The following ZC3H12B variants were observed in gnomAD, a reference collection of about 807,000 sequenced individuals.
The protein encoded by ZC3H12B is probable ribonuclease ZC3H12B.
A neutral mutation model predicts 43.9 loss-of-function variants in ZC3H12B; 7 were observed. The ratio of observed to expected loss-of-function variants is 0.16; its 90% CI spans 0.09 to 0.30. ZC3H12B has a LOEUF of 0.30. Among genes scored for constraint, ZC3H12B ranks in the 10% least tolerant of loss-of-function variants. ZC3H12B has a pLI of 1.00. For synonymous variants in ZC3H12B, 222 were observed against 241.7 expected (o/e 0.92, Z 0.76); for missense variants, 475 against 670.2 (o/e 0.71, Z 3.22).
the ZC3H12B span, among the ~76,000 whole-genome samples, chrX:65,099,135 G>T: frequency 1.8e-5 from 2 of 111,885 alleles, no homozygotes; most frequent in African/African-American, 3.3e-5. Context: ...GTGAGGCAAA[G>T]CGACTGTGGC....
chrX:65,433,573 C>T (rs755729969), intron 3 of ZC3H12B, among the ~76,000 whole-genome samples: 16 of 111,466 alleles, frequency 1.4e-4, no homozygotes, highest in Non-Finnish European at 2.8e-4. Context: ...AGCTAAAACT[C>T]GATTGATTTC....
intron 2 of ZC3H12B, among the ~76,000 whole-genome samples, chrX:65,395,835 T>C (rs1321965873): frequency 8.9e-6 from 1 of 112,073 alleles, no homozygotes; most frequent in Non-Finnish European, 1.9e-5. Flanking sequence ...TTTTGGTTGG[T>C]AGGCTGTTAA....
the ZC3H12B span, among the ~76,000 whole-genome samples, chrX:65,212,287 A>ATT: frequency 2.0e-5 from 1 of 49,868 alleles, no homozygotes; most frequent in Non-Finnish European, 3.3e-5. Context: ...ATATAATTAT[A>ATT]ATATATTATA....
the ZC3H12B span, among the ~76,000 whole-genome samples, chrX:65,162,420 TG>T: frequency 8.9e-6 from 1 of 112,127 alleles, no homozygotes; most frequent in African/African-American, 3.2e-5. Context: ...GACGTAGATT[TG>T]GTCTTTTCAC....
At chrX:65,109,287 A>G in the ZC3H12B span, among the ~76,000 whole-genome samples, 1 of 111,552 alleles carries the variant, frequency 9.0e-6, no homozygotes, top group Non-Finnish European at 1.9e-5. Flanking sequence ...TTCCATTACA[A>G]TTCATGTTAG....
the ZC3H12B span, among the ~76,000 whole-genome samples, chrX:65,122,361 G>T: frequency 9.0e-6 from 1 of 111,120 alleles, no homozygotes; most frequent in East Asian, 2.8e-4. Flanking sequence ...CACCAGGCCT[G>T]CCCTGAAAGA....
chrX:65,045,342 G>A, the ZC3H12B span, among the ~76,000 whole-genome samples: 4 of 111,862 alleles, frequency 3.6e-5, no homozygotes, highest in East Asian at 2.8e-4. Context: ...AATTAGAGTC[G>A]GTCCTATCAA....
chrX:65,122,718 A>T, the ZC3H12B span, among the ~76,000 whole-genome samples: 2 of 111,445 alleles, frequency 1.8e-5, no homozygotes, highest in African/African-American at 3.3e-5. Flanking sequence ...CAACAAAAAA[A>T]GGCAGGGGTT....
chrX:65,200,159 A>T, the ZC3H12B span, among the ~76,000 whole-genome samples: 1 of 111,018 alleles, frequency 9.0e-6, no homozygotes, highest in Non-Finnish European at 1.9e-5. Context: ...CTGGTGTGAG[A>T]TGGTATCTCA....
the ZC3H12B span, among the ~76,000 whole-genome samples, chrX:65,325,686 A>C: frequency 0.016 from 1,830 of 111,586 alleles, 36 homozygotes; most frequent in African/African-American, 0.057. Context: ...AAAGTGATCT[A>C]CAAATTCAGC....
the ZC3H12B span, chrX:65,187,144 T>G: frequency 8.9e-6 from 1 of 112,286 alleles, no homozygotes; most frequent in Non-Finnish European, 1.9e-5. Flanking sequence ...CCTATCTTTC[T>G]TAGCTTTCCT....
At chrX:65,440,678 G>A (rs1025843990) in intron 3 of ZC3H12B, among the ~76,000 whole-genome samples, 4 of 112,230 alleles carry the variant, frequency 3.6e-5, no homozygotes, top group African/African-American at 1.3e-4. Flanking sequence ...ACTATTAAAG[G>A]CCAATTTTTT....
the ZC3H12B span, among the ~76,000 whole-genome samples, chrX:65,169,970 G>A: frequency 8.9e-6 from 1 of 111,838 alleles, no homozygotes; most frequent in Non-Finnish European, 1.9e-5. Flanking sequence ...ATACTGATGG[G>A]TCTTGACTCT....
At chrX:65,416,144 C>T (rs996219881) in intron 3 of ZC3H12B, among the ~76,000 whole-genome samples, 9 of 111,945 alleles carry the variant, frequency 8.0e-5, no homozygotes, top group Non-Finnish European at 1.5e-4. Flanking sequence ...ATATAAGATA[C>T]GATCTTAGCC....
At chrX:65,189,989 G>A in the ZC3H12B span, among the ~76,000 whole-genome samples, 1 of 110,496 alleles carries the variant, frequency 9.1e-6, no homozygotes, top group Non-Finnish European at 1.9e-5. Context: ...GTGTAAGGAA[G>A]GGATCCAGTT....
chrX:65,461,994 T>C (rs906397506), intron 3 of ZC3H12B, among the ~76,000 whole-genome samples: 3 of 108,382 alleles, frequency 2.8e-5, no homozygotes, highest in Non-Finnish European at 5.8e-5. Context: ...AAAAAATAAA[T>C]AAATAAATAA....
chrX:65,078,412 G>T, the ZC3H12B span, among the ~76,000 whole-genome samples: 2 of 111,969 alleles, frequency 1.8e-5, no homozygotes, highest in Non-Finnish European at 3.8e-5. Context: ...TAAAAGAATC[G>T]AGTGAAGGAG....
At chrX:65,128,742 C>T in the ZC3H12B span, among the ~76,000 whole-genome samples, 13 of 112,062 alleles carry the variant, frequency 1.2e-4, no homozygotes, top group East Asian at 2.5e-3. Context: ...TTATTTAGTG[C>T]ATTCACAATT....
At chrX:65,053,893 G>A in the ZC3H12B span, among the ~76,000 whole-genome samples, 35 of 111,284 alleles carry the variant, frequency 3.1e-4, no homozygotes, top group African/African-American at 1.1e-3. Context: ...TCTTTTGGCT[G>A]CATAAATGTC....
Sources: gnomAD v4.1 joint callset for allele counts (sites outside exome capture counted in the v4.1 genomes callset) on GRCh38, gnomAD v4.1.1 for gene constraint, MANE v1.5 for transcripts, NCBI Gene and HGNC (gene_info 2026-07-23, HGNC 2026-07-21) for gene names.